Variants in ZC3H12D observed in about 807,000 individuals in gnomAD.
ZC3H12D encodes zinc finger CCCH-type containing 12D.
Under a neutral mutation model 24.2 loss-of-function variants are expected in ZC3H12D, and 11 were observed. That is an observed-to-expected ratio of 0.46 (90% CI 0.29 to 0.75). ZC3H12D has a LOEUF of 0.75. Among genes scored for constraint, ZC3H12D ranks in the 30% least tolerant of loss-of-function variants. The probability of loss-of-function intolerance (pLI) is 0.11; values close to 1 mark genes in which losing one functional copy is unlikely to be tolerated. For missense variants in ZC3H12D, 740 were observed against 767.7 expected (o/e 0.96, Z 0.43); for synonymous variants, 333 against 341.8 (o/e 0.97, Z 0.28).
rs1775992322 is a variant in ZC3H12D, at chr6:149,456,870, T to C, written c.476A>G (p.Gln159Arg). The C allele has an allele frequency of 6.2e-7, 1 of 1,605,114 alleles. No individual in the cohort carries two copies. The highest frequency in any genetic ancestry group is 8.5e-7 in the Non-Finnish European group (1 of 1,179,032). ...GGACGGCGTGTACACCAGCACCGCC[T>C]GCCGCTCCAGCTCCGCCAGCACGTG... ...EQHVLAELERQAVLVYTPSRK... is the reference protein window; with the variant it reads ...EQHVLAELERRAVLVYTPSRK... Residue 159 changes from glutamine to arginine, a missense_variant, in exon 4 of 6, where the codon CAG becomes CGG. Transcript: ENST00000409806. This position sits in a 1 kb window ranked among gnomAD's most constrained non-coding sequence, Gnocchi z 4.3.
chr6:149,450,483 C>A lies in ZC3H12D; in HGVS notation c.*200G>T. The A allele has an allele frequency of 3.5e-6, 2 of 566,876 alleles. No individual in the cohort carries two copies. Among genetic ancestry groups the A allele is most frequent in the Non-Finnish European group, 3.0e-6 (1 of 332,212 alleles). The allele number at this position is 566,876 out of a possible 1,614,324, so 35.1% of individuals were successfully genotyped here. On this transcript the variant is annotated 3_prime_UTR_variant, in exon 6 of 6. Transcript: ENST00000409806. Reference sequence around the variant, plus strand: ...GTGGGTGGACCTCCCCGCAGCAGGCCCCGGCCTCAGTGAGGATCACCAAGT... The same window carrying A: ...GTGGGTGGACCTCCCCGCAGCAGGCACCGGCCTCAGTGAGGATCACCAAGT...
At chr6:149,464,550 G>C (rs1374403382) in intron 2 of ZC3H12D, among the ~76,000 whole-genome samples, 1 of 152,056 alleles carries the variant, frequency 6.6e-6, no homozygotes, top group Non-Finnish European at 1.5e-5. Flanking sequence ...GCACCCTCCC[G>C]CTCCTTCCTG....
Position 149,451,266 on chromosome 6 carries a change from C to T in ZC3H12D, c.1001G>A (p.Arg334Gln), listed in dbSNP as rs1775889402. Residue 334 changes from arginine (R) to glutamine (Q), a missense_variant, in exon 6 of 6, where the codon CGG (arginine) becomes CAG (glutamine). Coordinates refer to ENST00000409806, the MANE Select transcript of ZC3H12D (RefSeq NM_207360.3). ...EPFAHSLPPA[R>Q]GSPDLAALRG... ...CAGGGCGGCCAGGTCCGGGGACCCCCGCGCCGGCGGGAGGCTGTGCGCAAA... is the reference window on the plus strand; with the variant it reads ...CAGGGCGGCCAGGTCCGGGGACCCCTGCGCCGGCGGGAGGCTGTGCGCAAA... 1.5e-6 allele frequency: 2 copies of T among 1,299,296 alleles called. No individual in the cohort carries two copies. Among genetic ancestry groups the T allele is most frequent in the Admixed American group, 8.4e-5 (2 of 23,784 alleles). 80.5% of individuals were successfully genotyped at this position (1,299,296 alleles called of 1,614,324 possible).
intron 1 of ZC3H12D, among the ~76,000 whole-genome samples, chr6:149,481,839 G>A (rs573128290): frequency 2.4e-4 from 36 of 152,240 alleles, no homozygotes; most frequent in African/African-American, 3.4e-4. Flanking sequence ...ATGATTTGTC[G>A]TTTTGAGATG....
intron 2 of ZC3H12D, among the ~76,000 whole-genome samples, chr6:149,467,481 T>A (rs1304688994): frequency 6.6e-6 from 1 of 152,180 alleles, no homozygotes; most frequent in Non-Finnish European, 1.5e-5. Flanking sequence ...CTTGAACTCC[T>A]GGCCCCAGGT....
intron 2 of ZC3H12D, among the ~76,000 whole-genome samples, chr6:149,472,097 TCA>T (rs1776253345): frequency 6.6e-6 from 1 of 152,170 alleles, no homozygotes; most frequent in Non-Finnish European, 1.5e-5. Context: ...CCTGAACCTT[TCA>T]CAACTAAGGA....
At chr6:149,453,128 CAAAAAAA>C (rs59814309) in intron 4 of ZC3H12D, among the ~76,000 whole-genome samples, 20 of 106,106 alleles carry the variant, frequency 1.9e-4, no homozygotes, top group African/African-American at 6.2e-4. Flanking sequence ...CTACAGAAAG[CAAAAAAA>C]AAAAAAAAAA....
intron 4 of ZC3H12D, among the ~76,000 whole-genome samples, chr6:149,454,254 G>A (rs1316299858): frequency 3.3e-5 from 5 of 152,328 alleles, no homozygotes; most frequent in Admixed American, 2.0e-4. Context: ...GAAGGAAAAC[G>A]CCCCTCGCTG....
chr6:149,473,994 C>T (rs918506485), intron 2 of ZC3H12D, among the ~76,000 whole-genome samples: 3 of 152,166 alleles, frequency 2.0e-5, no homozygotes, highest in Non-Finnish European at 2.9e-5. Flanking sequence ...CTATCCTAGG[C>T]ATTTTGTGCA....
At chr6:149,461,108 C>T (rs1274540437) in intron 3 of ZC3H12D, among the ~76,000 whole-genome samples, 1 of 151,936 alleles carries the variant, frequency 6.6e-6, no homozygotes, top group South Asian at 2.1e-4. Context: ...TTTGGGAGTT[C>T]GAGGTGGGCG....
chr6:149,454,921 G>A (rs958518373), intron 4 of ZC3H12D, among the ~76,000 whole-genome samples: 3 of 152,262 alleles, frequency 2.0e-5, no homozygotes, highest in African/African-American at 2.4e-5. Flanking sequence ...CTCCACGGCT[G>A]CAGGGGCAGT....
intron 2 of ZC3H12D, among the ~76,000 whole-genome samples, chr6:149,463,551 A>T (rs1191204487): frequency 6.6e-6 from 1 of 152,206 alleles, no homozygotes; most frequent in Non-Finnish European, 1.5e-5. Flanking sequence ...TCTACTAAAA[A>T]TACAAAAATT....
intron 1 of ZC3H12D, among the ~76,000 whole-genome samples, chr6:149,476,946 GTGAA>G (rs544055324): frequency 5.3e-4 from 80 of 152,226 alleles, no homozygotes; most frequent in African/African-American, 1.4e-3. Context: ...GTGTTGATTG[GTGAA>G]TGAATGAATG....
In ZC3H12D at chr6:149,451,350, TGCTCCTCGG is replaced by T; in HGVS notation, c.908_916del (p.Ala303_Gln306delinsGlu). The T allele has an allele frequency of 2.8e-6, 4 of 1,413,710 alleles. No homozygotes were observed. Among genetic ancestry groups the T allele is most frequent in the Admixed American group, 2.6e-5 (1 of 38,112 alleles). The allele number at this position is 1,413,710 out of a possible 1,614,324, so 87.6% of individuals were successfully genotyped here. On this transcript the variant is annotated inframe_deletion, in exon 6 of 6. Transcript: ENST00000409806. ...GCCGCCCGGGGCTCTCGGTGGCCGC[TGCTCCTCGG>T]CGCCCGCGCCAGGCCGGGCCCCTGT... is the stretch of plus-strand genomic sequence containing the variant.
At chr6:149,463,476 C>T (rs757969777) in intron 2 of ZC3H12D, among the ~76,000 whole-genome samples, 2 of 152,094 alleles carry the variant, frequency 1.3e-5, no homozygotes, top group Non-Finnish European at 2.9e-5. Flanking sequence ...TTTGTGAGGC[C>T]GAGGCAGGTG....
chr6:149,456,630 C>CCCCCCCCCCGGGGGGGG lies in ZC3H12D; in HGVS notation c.680+35_680+36insCCCCCCCCGGGGGGGGG. 1 of 1,426,534 alleles carries CCCCCCCCCCGGGGGGGG rather than the reference C, an allele frequency of 7.0e-7. No individual in the cohort carries two copies. Among genetic ancestry groups the CCCCCCCCCCGGGGGGGG allele is most frequent in the Non-Finnish European group, 9.8e-7 (1 of 1,016,146 alleles). 88.4% of individuals were successfully genotyped at this position (1,426,534 alleles called of 1,614,324 possible). On this transcript the variant is annotated intron_variant, in intron 4 of 5. Coordinates refer to ENST00000409806, the MANE Select transcript of ZC3H12D (RefSeq NM_207360.3). This position sits in a 1 kb window ranked among gnomAD's most constrained non-coding sequence, Gnocchi z 4.3. The stretch of plus-strand genomic sequence containing the variant: ...CCTCGACCCCGGCCCCCCGCCCCGC[C>CCCCCCCCCCGGGGGGGG]GCCCCCCAGGGTGTCAGGACCCCAG...
Position 149,456,627 on chromosome 6 carries a change from C to CCCCCCCCCCCCGGGGT in ZC3H12D, c.680+38_680+39insACCCCGGGGGGGGGGG. The CCCCCCCCCCCCGGGGT allele has an allele frequency of 1.4e-6, 2 of 1,403,090 alleles. No individual in the cohort carries two copies. Among genetic ancestry groups the CCCCCCCCCCCCGGGGT allele is most frequent in the East Asian group, 2.3e-5 (1 of 43,196 alleles). The allele number at this position is 1,403,090 out of a possible 1,614,324, so 86.9% of individuals were successfully genotyped here. A position where few individuals can be genotyped will look rare whatever the true frequency, so the allele number is the denominator to read the frequency against. On this transcript the variant is annotated intron_variant, in intron 4 of 5. Coordinates refer to ENST00000409806, the MANE Select transcript of ZC3H12D (RefSeq NM_207360.3). This position sits in a 1 kb window ranked among gnomAD's most constrained non-coding sequence, Gnocchi z 4.3. The stretch of plus-strand genomic sequence containing the variant: ...CTGCCTCGACCCCGGCCCCCCGCCC[C>CCCCCCCCCCCCGGGGT]GCCGCCCCCCAGGGTGTCAGGACCC...
intron 1 of ZC3H12D, among the ~76,000 whole-genome samples, chr6:149,484,332 T>C (rs189807285): frequency 5.6e-4 from 85 of 152,328 alleles, no homozygotes; most frequent in Non-Finnish European, 8.5e-4. Flanking sequence ...CTACCAAAAG[T>C]TCCTGACTGC....
chr6:149,457,249 AGGCACAGG>A (rs1294918515), intron 3 of ZC3H12D, among the ~76,000 whole-genome samples: 1 of 152,230 alleles, frequency 6.6e-6, no homozygotes, highest in Non-Finnish European at 1.5e-5. Flanking sequence ...CTATCGCAGC[AGGCACAGG>A]GGCCTCCTGG....
Sources: gnomAD v4.1 joint callset for allele counts (sites outside exome capture counted in the v4.1 genomes callset) on GRCh38, gnomAD v4.1.1 for gene constraint, Gnocchi (gnomAD v3.1) non-coding constraint, MANE v1.5 for transcripts, NCBI Gene and HGNC (gene_info 2026-07-23, HGNC 2026-07-21) for gene names.